Variants in ACP3 observed in about 807,000 individuals in gnomAD.
ACP3 encodes acid phosphatase 3, also known as prostatic acid phosphatase.
A neutral mutation model predicts 45.6 loss-of-function variants in ACP3; 38 were observed. That is an observed-to-expected ratio of 0.83 (90% CI 0.64 to 1.09). The LOEUF is 1.09. ACP3 is among the 50% of genes least tolerant of loss of function. The pLI is 0.00. For missense variants in ACP3, 466 were observed against 463.2 expected (o/e 1.01, Z -0.05); for synonymous variants, 162 against 164.7 (o/e 0.98, Z 0.13).
In ACP3 at chr3:132,317,461, G is replaced by A. The variant is rs759555720; in HGVS notation, c.5G>A (p.Arg2Lys). ...CCAGAAACAGCTCTCCTCAACATGA[G>A]AGCTGCACCCCTCCTCCTGGCCAGG... The part of the protein sequence containing the change: M[R>K]AAPLLLARAA... The change falls in exon 1 of 10, where the codon AGA becomes AAA. Residue 2 changes from arginine to lysine, a missense_variant. Physicochemically the swap from Arg to Lys is conservative, Grantham distance 26. Coordinates refer to ENST00000336375, the MANE Select transcript of ACP3 (RefSeq NM_001099.5). The A allele has an allele frequency of 6.2e-7, 1 of 1,612,518 alleles. No homozygotes were observed. The highest frequency in any genetic ancestry group is 8.5e-7 in the Non-Finnish European group (1 of 1,179,408).
At chr3:132,331,161 T>G (rs996834276) in intron 2 of ACP3, among the ~76,000 whole-genome samples, 5 of 152,208 alleles carry the variant, frequency 3.3e-5, no homozygotes, top group African/African-American at 1.2e-4. Context: ...AGTAACATGT[T>G]CTAATTTTTT....
chr3:132,349,526 G>A (rs1026013243), intron 7 of ACP3, among the ~76,000 whole-genome samples: 1 of 152,164 alleles, frequency 6.6e-6, no homozygotes, highest in African/African-American at 2.4e-5. Flanking sequence ...AAGAACATGG[G>A]CTAAGAATTA....
intron 10 of ACP3, among the ~76,000 whole-genome samples, chr3:132,366,183 C>G (rs1407773149): frequency 6.6e-6 from 1 of 151,674 alleles, no homozygotes; most frequent in Non-Finnish European, 1.5e-5. Flanking sequence ...TGCCTGTATT[C>G]CCAGTTACTA....
At chr3:132,320,381 G>A (rs570454738) in intron 1 of ACP3, among the ~76,000 whole-genome samples, 1 of 152,234 alleles carries the variant, frequency 6.6e-6, no homozygotes, top group East Asian at 1.9e-4. Flanking sequence ...CATCTGCATA[G>A]CCACTCATTT....
chr3:132,321,246 A>G (rs1937201917), intron 1 of ACP3, among the ~76,000 whole-genome samples: 1 of 152,060 alleles, frequency 6.6e-6, no homozygotes, highest in Non-Finnish European at 1.5e-5. Flanking sequence ...GAAAGCCGAA[A>G]CAGAAGGATT....
rs1243251690 is a variant in ACP3, at chr3:132,352,706, T to C, written c.865-14T>C. The C allele has an allele frequency of 6.3e-7, 1 of 1,589,454 alleles. No individual in the cohort carries two copies. Among genetic ancestry groups the C allele is most frequent in the African/African-American group, 1.3e-5 (1 of 74,426 alleles). ...AATCTGAACAGGCGATAAAATTGAT[T>C]TCAATCTCTGTAGCATGACACTACT... On this transcript the variant is annotated splice_polypyrimidine_tract_variant and intron_variant, in intron 8 of 9. Transcript: ENST00000336375.
intron 1 of ACP3, among the ~76,000 whole-genome samples, chr3:132,320,423 A>G (rs990205926): frequency 6.6e-6 from 1 of 152,122 alleles, no homozygotes; most frequent in Admixed American, 6.5e-5. Flanking sequence ...TTTTTAAGTT[A>G]TTTCATGCAC....
chr3:132,344,451 A>C (rs1286607285), intron 6 of ACP3, among the ~76,000 whole-genome samples: 2 of 151,968 alleles, frequency 1.3e-5, no homozygotes, highest in East Asian at 3.9e-4. Flanking sequence ...CTCTGAAAAA[A>C]AAAAAAGAAA....
At chr3:132,332,051 T>C in intron 3 of ACP3, 141 bp from the exon 4 acceptor site, 1 of 1,007,950 alleles carries the variant, frequency 9.9e-7, no homozygotes, top group Non-Finnish European at 1.5e-6. Context: ...CCTTAACAAG[T>C]ATTATGATTC....
chr3:132,340,185 G>C (rs1316485808), intron 5 of ACP3, among the ~76,000 whole-genome samples: 1 of 151,936 alleles, frequency 6.6e-6, no homozygotes, highest in Non-Finnish European at 1.5e-5. Context: ...CGTGGTGGCA[G>C]GCGCCTGTAA....
rs1259779123 is a variant in ACP3 at position 132,358,712 on chromosome 3, T to G, written c.*1834T>G. 1.0e-6 allele frequency: 1 copy of G among 1,002,254 alleles called. No homozygotes were observed. Among genetic ancestry groups the G allele is most frequent in the African/African-American group, 1.7e-5 (1 of 58,138 alleles). 62.1% of individuals were successfully genotyped at this position (1,002,254 alleles called of 1,614,324 possible). A position where few individuals can be genotyped will look rare whatever the true frequency, so the allele number is the denominator to read the frequency against. ...TATGCTTGTAACTGTCTTCTAGCAG[T>G]GAGCCAAATGTAAAATAGTGAATAA... On this transcript the variant is annotated 3_prime_UTR_variant, in exon 10 of 10. Coordinates refer to ENST00000336375, the MANE Select transcript of ACP3 (RefSeq NM_001099.5).
chr3:132,350,990 A>G (rs1228574664), intron 8 of ACP3, among the ~76,000 whole-genome samples: 1 of 152,202 alleles, frequency 6.6e-6, no homozygotes, highest in Non-Finnish European at 1.5e-5. Context: ...AGAAAAGCTG[A>G]GTGTGCATTC....
At chr3:132,332,578 A>C in intron 4 of ACP3, 1 of 479,422 alleles carries the variant, frequency 2.1e-6, no homozygotes. Flanking sequence ...CCACTCTTGC[A>C]ACTCTTGGCA....
downstream of ACP3, among the ~76,000 whole-genome samples, chr3:132,359,677 T>C (rs1938003677): frequency 6.6e-6 from 1 of 152,204 alleles, no homozygotes. Context: ...TGTGGTATGT[T>C]TGCAGAATTC....
chr3:132,323,427 A>AT (rs1312360460), intron 1 of ACP3, among the ~76,000 whole-genome samples: 1 of 152,108 alleles, frequency 6.6e-6, no homozygotes, highest in East Asian at 1.9e-4. Flanking sequence ...AGGGAGCCAG[A>AT]TTTTTTTTAA....
intron 4 of ACP3, among the ~76,000 whole-genome samples, chr3:132,336,442 A>G (rs1937492300): frequency 6.6e-6 from 1 of 152,204 alleles, no homozygotes; most frequent in South Asian, 2.1e-4. Flanking sequence ...CTATTTTGAA[A>G]TAGAAGGGGA....
At chr3:132,367,959 C>G in exon 11 of ACP3, 1 of 694,698 alleles carries the variant, frequency 1.4e-6, no homozygotes, top group Non-Finnish European at 2.5e-6. Context: ...AGAGCAGGGT[C>G]TGAACTCACA....
At chr3:132,338,096 T>TTA (rs1189892858) in intron 5 of ACP3, among the ~76,000 whole-genome samples, 1 of 152,198 alleles carries the variant, frequency 6.6e-6, no homozygotes, top group Non-Finnish European at 1.5e-5. Flanking sequence ...ACCACTAGCA[T>TTA]TATTTTCTAG....
intron 1 of ACP3, among the ~76,000 whole-genome samples, chr3:132,326,748 A>G (rs1169517860): frequency 6.6e-6 from 1 of 152,240 alleles, no homozygotes; most frequent in African/African-American, 2.4e-5. Context: ...GTTTTACAGA[A>G]TTTCAAAAGA....
Sources: allele counts gnomAD v4.1 joint callset (sites outside exome capture counted in the v4.1 genomes callset), GRCh38; gene constraint gnomAD v4.1.1; transcripts MANE v1.5; gene names NCBI Gene and HGNC (gene_info 2026-07-23, HGNC 2026-07-21).